The following NR3C2 variants were observed in gnomAD, a reference collection of about 807,000 sequenced individuals.
The protein encoded by NR3C2 is mineralocorticoid receptor.
Under a neutral mutation model 86.4 loss-of-function variants are expected in NR3C2, and 15 were observed. The observed-to-expected ratio is 0.17, with a 90% confidence interval of 0.12 to 0.27. The LOEUF is 0.27. Ranked by LOEUF, NR3C2 falls within the 10% of genes least tolerant of loss-of-function variation. The pLI is 1.00. For missense variants in NR3C2, 960 were observed against 1,195.6 expected (o/e 0.80, Z 2.91); for synonymous variants, 458 against 450.5 (o/e 1.02, Z -0.21).
intron 2 of NR3C2, among the ~76,000 whole-genome samples, chr4:148,328,471 A>G (rs945187596): frequency 1.3e-5 from 2 of 152,188 alleles, no homozygotes; most frequent in African/African-American, 4.8e-5. Context: ...AGATCCTAGC[A>G]TCTTCCTTGG....
chr4:148,381,063 CA>C (rs1028181017), intron 2 of NR3C2, among the ~76,000 whole-genome samples: 1 of 151,562 alleles, frequency 6.6e-6, no homozygotes, highest in Non-Finnish European at 1.5e-5. Context: ...CCTGTCTCTA[CA>C]AAAAAATACA....
At chr4:148,100,097 A>G (rs554131172) in intron 8 of NR3C2, among the ~76,000 whole-genome samples, 3 of 152,354 alleles carry the variant, frequency 2.0e-5, no homozygotes, top group African/African-American at 7.2e-5. Context: ...TGAAATATCA[A>G]TGATGAAGCA....
At chr4:148,115,043 G>T (rs908976168) in intron 7 of NR3C2, among the ~76,000 whole-genome samples, 1 of 152,148 alleles carries the variant, frequency 6.6e-6, no homozygotes, top group Non-Finnish European at 1.5e-5. Flanking sequence ...ATGCGTGTGA[G>T]GGGGGAACAA....
At chr4:148,196,304 A>T (rs1384101119) in intron 3 of NR3C2, among the ~76,000 whole-genome samples, 2 of 152,234 alleles carry the variant, frequency 1.3e-5, no homozygotes, top group African/African-American at 4.8e-5. Flanking sequence ...ACCCCAGCTC[A>T]GTCTTGGACA....
At chr4:148,200,506 C>T (rs368671002) in intron 3 of NR3C2, among the ~76,000 whole-genome samples, 19 of 152,334 alleles carry the variant, frequency 1.2e-4, no homozygotes, top group African/African-American at 4.6e-4. Context: ...ATTCTCCCTT[C>T]GAAGTGTCTT....
At chr4:148,235,291 T>A (rs906644265) in intron 3 of NR3C2, among the ~76,000 whole-genome samples, 5 of 150,164 alleles carry the variant, frequency 3.3e-5, no homozygotes, top group Admixed American at 6.7e-5. Context: ...TATTTAAGAT[T>A]CCTATCTCTT....
intron 4 of NR3C2, among the ~76,000 whole-genome samples, chr4:148,184,433 C>T (rs1335191070): frequency 6.7e-5 from 10 of 150,164 alleles, no homozygotes; most frequent in Admixed American, 3.3e-4. Flanking sequence ...GCCTGGGTGA[C>T]AAGAGCAAGA....
chr4:148,424,238 A>G (rs1560726841), intron 2 of NR3C2, among the ~76,000 whole-genome samples: 3 of 152,220 alleles, frequency 2.0e-5, no homozygotes, highest in South Asian at 4.1e-4. Flanking sequence ...TTAAACCACA[A>G]TGAGATATCC....
intron 8 of NR3C2, among the ~76,000 whole-genome samples, chr4:148,092,732 G>A (rs6812538): frequency 0.015 from 2,352 of 152,286 alleles, 59 homozygotes; most frequent in African/African-American, 0.053. Context: ...CCTTCAGCCT[G>A]TTTATGCTGA....
rs563880789 is a variant in NR3C2 at position 148,406,304 on chromosome 4, A to G, written c.1757+28800T>C. Among the ~76,000 whole-genome samples, 4 of 152,334 alleles carry G rather than the reference A, an allele frequency of 2.6e-5. No homozygotes were observed. The East Asian group carries it at 7.7e-4, about 29-fold the overall frequency. ...CTAATAATAACAATATTAAAAATAT[A>G]CACATTTTGATGGAGAAATATGAAG... is the stretch of plus-strand genomic sequence containing the variant. On this transcript the variant is annotated intron_variant, in intron 2 of 8. Transcript: ENST00000358102.
chr4:148,089,530 A>G (rs943673570), intron 8 of NR3C2, among the ~76,000 whole-genome samples: 3 of 152,232 alleles, frequency 2.0e-5, no homozygotes, highest in African/African-American at 7.2e-5. Context: ...TGTCCTTCCC[A>G]AACTTCTTCC....
intron 2 of NR3C2, among the ~76,000 whole-genome samples, chr4:148,392,072 C>G (rs1162679223): frequency 6.6e-6 from 1 of 151,978 alleles, no homozygotes; most frequent in East Asian, 1.9e-4. Context: ...AAGCACCACA[C>G]CTGAAATCTG....
chr4:148,269,571 G>A (rs185805334), intron 2 of NR3C2, among the ~76,000 whole-genome samples: 93 of 152,012 alleles, frequency 6.1e-4, no homozygotes, highest in African/African-American at 2.2e-3. Context: ...AATATTTACC[G>A]AGCATGCATA....
chr4:148,407,218 A>G (rs1748470382), intron 2 of NR3C2, among the ~76,000 whole-genome samples: 1 of 152,188 alleles, frequency 6.6e-6, no homozygotes, highest in African/African-American at 2.4e-5. Context: ...CAATCCAGTC[A>G]CTACACAGTA....
chr4:148,326,899 G>T (rs1371057765), intron 2 of NR3C2, among the ~76,000 whole-genome samples: 2 of 151,834 alleles, frequency 1.3e-5, no homozygotes, highest in African/African-American at 4.8e-5. Flanking sequence ...AATAGAAAAG[G>T]AAAATTCAAA....
At chr4:148,441,242 T>C (rs1750323999) in intron 1 of NR3C2, among the ~76,000 whole-genome samples, 1 of 152,230 alleles carries the variant, frequency 6.6e-6, no homozygotes, top group Admixed American at 6.5e-5. Flanking sequence ...TAAATTATTT[T>C]TTAAAACTTC....
intron 8 of NR3C2, among the ~76,000 whole-genome samples, chr4:148,103,325 G>A (rs1731626686): frequency 6.6e-6 from 1 of 152,176 alleles, no homozygotes; most frequent in Non-Finnish European, 1.5e-5. Flanking sequence ...TCCTCACAGA[G>A]GACATAGGCC....
At chr4:148,118,953 T>G (rs914667464) in intron 7 of NR3C2, among the ~76,000 whole-genome samples, 4 of 152,192 alleles carry the variant, frequency 2.6e-5, no homozygotes, top group African/African-American at 7.2e-5. Context: ...CCAGTTGGGC[T>G]AAGTTCTCTG....
intron 8 of NR3C2, among the ~76,000 whole-genome samples, chr4:148,087,704 A>C (rs138286017): frequency 0.019 from 2,868 of 152,280 alleles, 108 homozygotes; most frequent in African/African-American, 0.064. Flanking sequence ...ACCTTATACA[A>C]AAATCAACTC....
Sources: allele counts gnomAD v4.1 joint callset (sites outside exome capture counted in the v4.1 genomes callset), GRCh38; gene constraint gnomAD v4.1.1; transcripts MANE v1.5; gene names NCBI Gene and HGNC (gene_info 2026-07-23, HGNC 2026-07-21).